The following FKTN variants were observed in gnomAD, a reference collection of about 807,000 sequenced individuals.
FKTN encodes the protein fukutin.
FKTN carries 47 observed loss-of-function variants against 58.6 expected under a neutral mutation model. The observed-to-expected ratio is 0.80, with a 90% CI of 0.63 to 1.02. FKTN has a LOEUF of 1.02. Among genes scored for constraint, FKTN ranks in the 50% least tolerant of loss-of-function variants. The pLI is 0.00. For missense variants in FKTN, 516 were observed against 537.3 expected (o/e 0.96, Z 0.39); for synonymous variants, 178 against 191.9 (o/e 0.93, Z 0.60).
At chr9:105,601,381 T>A in intron 5 of FKTN, 33 bp downstream of exon 5, 1 of 1,422,966 alleles carries the variant, frequency 7.0e-7, no homozygotes. Flanking sequence ...ATGGAATGTG[T>A]CTCTTTTTAC....
intron 3 of FKTN, among the ~76,000 whole-genome samples, chr9:105,580,121 A>G (rs564916514): frequency 0.022 from 3,293 of 152,086 alleles, 53 homozygotes; most frequent in Non-Finnish European, 0.025. Context: ...TCTTTATCCA[A>G]TTTGCCAGTC....
At chr9:105,629,055 A>G (rs1588282787) in intron 10 of FKTN, among the ~76,000 whole-genome samples, 1 of 152,150 alleles carries the variant, frequency 6.6e-6, no homozygotes, top group Non-Finnish European at 1.5e-5. Context: ...ATTATACTTA[A>G]CTTATACCTC....
intron 7 of FKTN, among the ~76,000 whole-genome samples, chr9:105,613,266 TACA>T (rs1464502356): frequency 1.3e-5 from 2 of 152,216 alleles, no homozygotes; most frequent in African/African-American, 4.8e-5. Context: ...CTTTTCCTAC[TACA>T]ACAAGCATTA....
rs1470012769 is a variant in FKTN, at chr9:105,590,903, C to T, written c.106-5695C>T. ...GGGGAGGCCTCAGGAAACTTACAAT[C>T]GTGGCAGCAGGTGAAGGGGGAGCCC... On this transcript the variant is annotated intron_variant, in intron 3 of 10. Coordinates refer to ENST00000357998, the MANE Select transcript of FKTN (RefSeq NM_001079802.2). 3.3e-5 allele frequency among the ~76,000 whole-genome samples: 5 copies of T among 152,122 alleles called. No individual in the cohort carries two copies. In the South Asian group the frequency reaches 8.3e-4, roughly 25 times the overall value.
chr9:105,562,037 A>G (rs1838392437), intron 1 of FKTN, among the ~76,000 whole-genome samples: 1 of 151,102 alleles, frequency 6.6e-6, no homozygotes, highest in African/African-American at 2.4e-5. Context: ...TAATTACACT[A>G]CTCTCTTTCC....
At chr9:105,597,532 A>G (rs1357115223) in intron 4 of FKTN, among the ~76,000 whole-genome samples, 1 of 152,166 alleles carries the variant, frequency 6.6e-6, no homozygotes, top group Non-Finnish European at 1.5e-5. Flanking sequence ...AAAGGTAAGC[A>G]TGATATACTT....
chr9:105,580,179 A>G (rs1326971643), intron 3 of FKTN, among the ~76,000 whole-genome samples: 1 of 152,066 alleles, frequency 6.6e-6, no homozygotes, highest in African/African-American at 2.4e-5. Context: ...TAAAGTTAAT[A>G]TTGTTATGTG....
intron 1 of FKTN, among the ~76,000 whole-genome samples, chr9:105,567,558 A>G (rs1839894879): frequency 6.6e-6 from 1 of 152,244 alleles, no homozygotes; most frequent in South Asian, 2.1e-4. Flanking sequence ...CAAAGAGAAT[A>G]AAATACCTAG....
At chr9:105,615,248 G>A (rs768998863) in intron 7 of FKTN, 30 bp from the exon 8 acceptor site, 6 of 1,610,488 alleles carry the variant, frequency 3.7e-6, no homozygotes, top group Non-Finnish European at 5.1e-6. Context: ...AGAAATGGCT[G>A]TAATAGCTGA....
chr9:105,619,700 TATC>T (rs1269889276), intron 9 of FKTN, among the ~76,000 whole-genome samples: 1 of 152,182 alleles, frequency 6.6e-6, no homozygotes, highest in Non-Finnish European at 1.5e-5. Context: ...TACTCTGAGT[TATC>T]ATCAATTGTA....
At chr9:105,581,887 C>G (rs1339980463) in intron 3 of FKTN, among the ~76,000 whole-genome samples, 2 of 152,176 alleles carry the variant, frequency 1.3e-5, no homozygotes, top group Non-Finnish European at 2.9e-5. Flanking sequence ...TTTTTTAAGC[C>G]GGTCTGAAAA....
Position 105,638,587 on chromosome 9 carries a change from G to A in FKTN, c.*3323G>A, listed in dbSNP as rs1368657675. The A allele has an allele frequency of 1.5e-5, 15 of 985,288 alleles. No homozygotes were observed. In the South Asian group the frequency reaches 6.6e-4, roughly 43 times the overall value. 61.0% of individuals were successfully genotyped at this position (985,288 alleles called of 1,614,324 possible). On this transcript the variant is annotated 3_prime_UTR_variant, in exon 11 of 11. Transcript: ENST00000357998. The stretch of plus-strand genomic sequence containing the variant: ...TCCCCTTCCTGAAGTGACCTTTTAT[G>A]AGGCTCTTTCCTTCCTAAGGGACCT...
chr9:105,585,777 C>A (rs552811270), intron 3 of FKTN, among the ~76,000 whole-genome samples: 3 of 152,252 alleles, frequency 2.0e-5, no homozygotes, highest in African/African-American at 7.2e-5. Flanking sequence ...GTAAAAATTA[C>A]TTATAGTTCA....
intron 1 of FKTN, among the ~76,000 whole-genome samples, chr9:105,559,435 A>G (rs1837845321): frequency 6.6e-6 from 1 of 152,146 alleles, no homozygotes; most frequent in Non-Finnish European, 1.5e-5. Flanking sequence ...TAATCCCAGC[A>G]CTTTGGGAGG....
chr9:105,592,016 G>A (rs1168651648), intron 3 of FKTN, among the ~76,000 whole-genome samples: 3 of 152,244 alleles, frequency 2.0e-5, no homozygotes, highest in East Asian at 1.9e-4. Context: ...ACTCAGGGTG[G>A]CAGGCACTGG....
intron 3 of FKTN, among the ~76,000 whole-genome samples, chr9:105,596,160 T>C (rs1826769355): frequency 6.6e-6 from 1 of 152,210 alleles, no homozygotes; most frequent in Admixed American, 6.5e-5. Flanking sequence ...AATTGATATA[T>C]GGAAGTGTCA....
Position 105,635,942 on chromosome 9 carries a change from A to T in FKTN, c.*678A>T. On this transcript the variant is annotated 3_prime_UTR_variant, in exon 11 of 11. Coordinates refer to ENST00000357998, the MANE Select transcript of FKTN (RefSeq NM_001079802.2). Reference sequence around the variant, plus strand: ...GTACTGTTTTCATATGTGAAGTGAGAAGAAACTTTATGCTTGTTTAATGCT... The same window carrying T: ...GTACTGTTTTCATATGTGAAGTGAGTAGAAACTTTATGCTTGTTTAATGCT... The T allele has an allele frequency of 1.0e-6, 1 of 986,182 alleles. No individual in the cohort carries two copies. The highest frequency in any genetic ancestry group is 4.7e-5 in the South Asian group (1 of 21,344). 61.1% of individuals were successfully genotyped at this position (986,182 alleles called of 1,614,324 possible).
intron 1 of FKTN, among the ~76,000 whole-genome samples, chr9:105,562,008 C>A (rs1474103157): frequency 1.3e-5 from 2 of 150,368 alleles, no homozygotes; most frequent in Non-Finnish European, 2.9e-5. Context: ...TACATCATCT[C>A]TCTAACTATA....
chr9:105,558,537 A>T (rs1169297133), intron 1 of FKTN, among the ~76,000 whole-genome samples: 1 of 151,840 alleles, frequency 6.6e-6, no homozygotes, highest in Non-Finnish European at 1.5e-5. Flanking sequence ...AAGTGCTGAG[A>T]TTACAGCCGT....
Sources: allele counts gnomAD v4.1 joint callset (sites outside exome capture counted in the v4.1 genomes callset), GRCh38; gene constraint gnomAD v4.1.1; transcripts MANE v1.5; gene names NCBI Gene and HGNC (gene_info 2026-07-23, HGNC 2026-07-21).